BTG1: variants seen among roughly 807,000 people sequenced by gnomAD.
BTG1 encodes the protein protein BTG1.
A neutral mutation model predicts 15.2 loss-of-function variants in BTG1; 2 were observed. The observed-to-expected ratio is 0.13, with a 90% CI of 0.05 to 0.41. The LOEUF is 0.41. Among genes scored for constraint, BTG1 ranks in the 10% least tolerant of loss-of-function variants. The pLI is 0.99. For missense variants in BTG1, 149 were observed against 215.0 expected (o/e 0.69, Z 1.92); for synonymous variants, 109 against 82.4 (o/e 1.32, Z -1.75).
chr12:92,145,270 G>C, intron 1 of BTG1, 118 bp downstream of exon 1: 1 of 1,306,140 alleles, frequency 7.7e-7, no homozygotes, highest in South Asian at 2.0e-5. Context: ...CCGGTCCCGC[G>C]GCGGGGCCCA....
rs146312717 is a variant in BTG1, at chr12:92,145,821, A to G, written c.-286T>C. The G allele has an allele frequency of 3.6e-3, 886 of 246,986 alleles. 8 individuals are homozygous for G. Among genetic ancestry groups the G allele is most frequent in the Admixed American group, 3.8e-3 (69 of 17,944 alleles). The allele number at this position is 246,986 out of a possible 1,614,324, so 15.3% of individuals were successfully genotyped here. A position where few individuals can be genotyped will look rare whatever the true frequency, so the allele number is the denominator to read the frequency against. ...CTCCGCAGCATTCGAAGATCTCAATAGCTGCATTTCCAGCTCCGAGAGGCG... is the reference window on the plus strand; with the variant it reads ...CTCCGCAGCATTCGAAGATCTCAATGGCTGCATTTCCAGCTCCGAGAGGCG... On this transcript the variant is annotated 5_prime_UTR_variant, in exon 1 of 2. Transcript: ENST00000256015.
Position 92,145,665 on chromosome 12 carries a change from A to C in BTG1, c.-130T>G. ...GAAGAGAGGGCGTGAGGGGCGGACG[A>C]CTACTTTTGTCTTTCTTTCTTTAGA... On this transcript the variant is annotated 5_prime_UTR_variant, in exon 1 of 2. Coordinates refer to ENST00000256015, the MANE Select transcript of BTG1 (RefSeq NM_001731.3). The C allele has an allele frequency of 1.8e-6, 1 of 546,510 alleles. No individual in the cohort carries two copies. Among genetic ancestry groups the C allele is most frequent in the Non-Finnish European group, 2.8e-6 (1 of 357,294 alleles). 33.9% of individuals were successfully genotyped at this position (546,510 alleles called of 1,614,324 possible). A position where few individuals can be genotyped will look rare whatever the true frequency, so the allele number is the denominator to read the frequency against.
rs2136947237 is a variant in BTG1, at chr12:92,143,298, G to C, written c.*782C>G. 1 of 232,806 alleles carries C rather than the reference G, an allele frequency of 4.3e-6. No individual in the cohort carries two copies. Among genetic ancestry groups the C allele is most frequent in the East Asian group, 6.1e-5 (1 of 16,388 alleles). The allele number at this position is 232,806 out of a possible 1,614,324, so 14.4% of individuals were successfully genotyped here. ...TAACAAAGTTCACAAAATAGATGGT[G>C]GTTTGTGGAAAAGACTTTTACCCAA... On this transcript the variant is annotated 3_prime_UTR_variant, in exon 2 of 2. Coordinates refer to ENST00000256015, the MANE Select transcript of BTG1 (RefSeq NM_001731.3).
At position 92,142,992 on chromosome 12, in the gene BTG1, TAC is replaced by T. The variant is rs1411346641; in HGVS notation, c.*1086_*1087del. ...TTCCTGTAAAACCTAAACATGTATA[TAC>T]AGAGCATCTTCATTCCTCATCAAAT... On this transcript the variant is annotated 3_prime_UTR_variant, in exon 2 of 2. Transcript: ENST00000256015. 8.6e-6 allele frequency: 2 copies of T among 232,894 alleles called. No homozygotes were observed. The highest frequency in any genetic ancestry group is 1.7e-5 in the Non-Finnish European group (2 of 117,934). The allele number at this position is 232,894 out of a possible 1,614,324, so 14.4% of individuals were successfully genotyped here.
In BTG1 at chr12:92,140,984, C is replaced by A. The variant is rs1870178031; in HGVS notation, c.*3096G>T. 7 of 232,658 alleles carry A rather than the reference C, an allele frequency of 3.0e-5. No individual in the cohort carries two copies. Among genetic ancestry groups the A allele is most frequent in the Admixed American group, 2.8e-4 (5 of 17,772 alleles). 14.4% of individuals were successfully genotyped at this position (232,658 alleles called of 1,614,324 possible). On this transcript the variant is annotated 3_prime_UTR_variant, in exon 2 of 2. Coordinates refer to ENST00000256015, the MANE Select transcript of BTG1 (RefSeq NM_001731.3). ...GTACAACTTCAGTTATCATACCTCT[C>A]TTCTGTAAAGAGGAAGAAGAGAGAG...
rs533954463 is a variant in BTG1, at chr12:92,143,992, T to G, written c.*88A>C. Reference sequence around the variant, plus strand: ...CTTCACAGCTGTGACATGGTTTAAATTCCATAATCCATCCCCAAGAGGAGC... The same window carrying G: ...CTTCACAGCTGTGACATGGTTTAAAGTCCATAATCCATCCCCAAGAGGAGC... On this transcript the variant is annotated 3_prime_UTR_variant, in exon 2 of 2. Transcript: ENST00000256015. 1.3e-6 allele frequency: 2 copies of G among 1,502,494 alleles called. No homozygotes were observed. Among genetic ancestry groups the G allele is most frequent in the East Asian group, 4.5e-5 (2 of 44,306 alleles). 93.1% of individuals were successfully genotyped at this position (1,502,494 alleles called of 1,614,324 possible).
Position 92,140,386 on chromosome 12 carries a change from A to C in BTG1, c.*3694T>G, listed in dbSNP as rs1226351072. 1 of 221,008 alleles carries C rather than the reference A, an allele frequency of 4.5e-6. No individual in the cohort carries two copies. Among genetic ancestry groups the C allele is most frequent in the Admixed American group, 5.8e-5 (1 of 17,384 alleles). 13.7% of individuals were successfully genotyped at this position (221,008 alleles called of 1,614,324 possible). A position where few individuals can be genotyped will look rare whatever the true frequency, so the allele number is the denominator to read the frequency against. On this transcript the variant is annotated 3_prime_UTR_variant, in exon 2 of 2. Transcript: ENST00000256015. ...AAAACTGGTGTCAATCATACTCCAC[A>C]AAGTGTTGAGGAAATGGTATCAATC... is the stretch of plus-strand genomic sequence containing the variant.
rs533881128 is a variant in BTG1 at position 92,141,060 on chromosome 12, T to C, written c.*3020A>G. 2.5e-4 allele frequency: 58 copies of C among 232,878 alleles called. No individual in the cohort carries two copies. The highest frequency in any genetic ancestry group is 5.1e-4 in the Admixed American group (9 of 17,790). 14.4% of individuals were successfully genotyped at this position (232,878 alleles called of 1,614,324 possible). On this transcript the variant is annotated 3_prime_UTR_variant, in exon 2 of 2. Transcript: ENST00000256015. ...GGGAGAAGTCCAATAGTAGATTTAT[T>C]TGCTCCCAAGATTAAAGGGAGCCTG...
At position 92,144,236 on chromosome 12, in the gene BTG1, G is replaced by A. The variant is rs1465617311; in HGVS notation, c.360C>T (p.Ser120=). 3 of 1,614,174 alleles carry A rather than the reference G, an allele frequency of 1.9e-6. No individual in the cohort carries two copies. Among genetic ancestry groups the A allele is most frequent in the Non-Finnish European group, 8.5e-7 (1 of 1,180,040 alleles). ...GTGAGGCTTCATACAGCACACAGATGGAGCCATCCTCTCCAATTCTGTAGG... is the reference window on the plus strand; with the variant it reads ...GTGAGGCTTCATACAGCACACAGATAGAGCCATCCTCTCCAATTCTGTAGG... ...EVSYRIGEDG[S]ICVLYEASPA... is the part of the protein sequence containing the mutation. The change falls in exon 2 of 2, where the codon TCC becomes TCT. Residue 120 remains serine (S), a synonymous_variant. Transcript: ENST00000256015.
In BTG1 at chr12:92,141,717, TCA is replaced by T; in HGVS notation, c.*2361_*2362del. The stretch of plus-strand genomic sequence containing the variant: ...TTAAAGTCACAGGAAACAGCTGGTC[TCA>T]GAGTGATGTGTGCAAGCCTTTTTCA... On this transcript the variant is annotated 3_prime_UTR_variant, in exon 2 of 2. Transcript: ENST00000256015. 4.3e-6 allele frequency: 1 copy of T among 232,710 alleles called. No individual in the cohort carries two copies. Among genetic ancestry groups the T allele is most frequent in the Non-Finnish European group, 8.5e-6 (1 of 117,658 alleles). 14.4% of individuals were successfully genotyped at this position (232,710 alleles called of 1,614,324 possible). A position where few individuals can be genotyped will look rare whatever the true frequency, so the allele number is the denominator to read the frequency against.
rs1592657049 is a variant in BTG1 at position 92,143,878 on chromosome 12, T to C, written c.*202A>G. Reference sequence around the variant, plus strand: ...ATCATTTACTTGGACTCACAGGCTATTAAAATTAATCATTGAAAGGTACTG... The same window carrying C: ...ATCATTTACTTGGACTCACAGGCTACTAAAATTAATCATTGAAAGGTACTG... On this transcript the variant is annotated 3_prime_UTR_variant, in exon 2 of 2. Transcript: ENST00000256015. The C allele has an allele frequency of 1.8e-6, 1 of 570,252 alleles. No individual in the cohort carries two copies. The highest frequency in any genetic ancestry group is 3.3e-5 in the East Asian group (1 of 30,694). 35.3% of individuals were successfully genotyped at this position (570,252 alleles called of 1,614,324 possible).
At position 92,141,815 on chromosome 12, in the gene BTG1, C is replaced by T; in HGVS notation, c.*2265G>A. On this transcript the variant is annotated 3_prime_UTR_variant, in exon 2 of 2. Coordinates refer to ENST00000256015, the MANE Select transcript of BTG1 (RefSeq NM_001731.3). ...ATTCTAAAATAAACATTTTTATTAA[C>T]TGTTTCCATCATTTTCAAAGATTGA... The T allele has an allele frequency of 4.3e-6, 1 of 232,234 alleles. No homozygotes were observed. Among genetic ancestry groups the T allele is most frequent in the Non-Finnish European group, 8.5e-6 (1 of 117,476 alleles). 14.4% of individuals were successfully genotyped at this position (232,234 alleles called of 1,614,324 possible). A position where few individuals can be genotyped will look rare whatever the true frequency, so the allele number is the denominator to read the frequency against.
rs922473545 is a variant in BTG1, at chr12:92,142,633, T to C, written c.*1447A>G. On this transcript the variant is annotated 3_prime_UTR_variant, in exon 2 of 2. Transcript: ENST00000256015. ...TTTTGTTGAATTCCAGCTTATGTGA[T>C]TTTTATGTACATCTTGCAGGTGATG... 4.3e-6 allele frequency: 1 copy of C among 233,072 alleles called. No individual in the cohort carries two copies. Among genetic ancestry groups the C allele is most frequent in the Non-Finnish European group, 8.5e-6 (1 of 117,940 alleles). The allele number at this position is 233,072 out of a possible 1,614,324, so 14.4% of individuals were successfully genotyped here. A position where few individuals can be genotyped will look rare whatever the true frequency, so the allele number is the denominator to read the frequency against.
intron 1 of BTG1, among the ~76,000 whole-genome samples, chr12:92,144,808 G>A (rs907250337): frequency 3.3e-5 from 5 of 152,182 alleles, no homozygotes; most frequent in Non-Finnish European, 7.4e-5. Flanking sequence ...TGGCTTTGGA[G>A]ATGAGAAGCG....
rs1161190926 is a variant in BTG1, at chr12:92,140,661, G to T, written c.*3419C>A. On this transcript the variant is annotated 3_prime_UTR_variant, in exon 2 of 2. Transcript: ENST00000256015. ...TTACTGTAAAAGATTTTGTGATACT[G>T]TTATATTAGTTCCAAATATGAAAAT... 2.2e-5 allele frequency: 5 copies of T among 231,922 alleles called. No individual in the cohort carries two copies. Among genetic ancestry groups the T allele is most frequent in the Admixed American group, 5.6e-5 (1 of 17,754 alleles). 14.4% of individuals were successfully genotyped at this position (231,922 alleles called of 1,614,324 possible). A position where few individuals can be genotyped will look rare whatever the true frequency, so the allele number is the denominator to read the frequency against.
rs1198612365 is a variant in BTG1 at position 92,142,346 on chromosome 12, T to C, written c.*1734A>G. 1 of 230,854 alleles carries C rather than the reference T, an allele frequency of 4.3e-6. No homozygotes were observed. Among genetic ancestry groups the C allele is most frequent in the African/African-American group, 2.2e-5 (1 of 45,206 alleles). The allele number at this position is 230,854 out of a possible 1,614,324, so 14.3% of individuals were successfully genotyped here. A position where few individuals can be genotyped will look rare whatever the true frequency, so the allele number is the denominator to read the frequency against. The stretch of plus-strand genomic sequence containing the variant: ...TTTCCAGTGTCAACATGTTTACATA[T>C]ATACCAAAAAAAGGCCACTATATGT... On this transcript the variant is annotated 3_prime_UTR_variant, in exon 2 of 2. Transcript: ENST00000256015.
At position 92,142,450 on chromosome 12, in the gene BTG1, C is replaced by T. The variant is rs566389765; in HGVS notation, c.*1630G>A. The T allele has an allele frequency of 8.6e-6, 2 of 232,046 alleles. No homozygotes were observed. Among genetic ancestry groups the T allele is most frequent in the South Asian group, 3.6e-4 (2 of 5,518 alleles). The allele number at this position is 232,046 out of a possible 1,614,324, so 14.4% of individuals were successfully genotyped here. A position where few individuals can be genotyped will look rare whatever the true frequency, so the allele number is the denominator to read the frequency against. On this transcript the variant is annotated 3_prime_UTR_variant, in exon 2 of 2. Transcript: ENST00000256015. ...GCTGTTATCCTCTACAACTAAACAGCAAGTCCTTCTATTATATGGGGTAGT... is the reference window on the plus strand; with the variant it reads ...GCTGTTATCCTCTACAACTAAACAGTAAGTCCTTCTATTATATGGGGTAGT...
intron 1 of BTG1, chr12:92,145,014 C>T (rs1467318574): frequency 1.1e-5 from 2 of 185,654 alleles, no homozygotes; most frequent in Non-Finnish European, 2.2e-5. Context: ...GGCCGCCGAC[C>T]ACGCAACGGT....
At position 92,141,390 on chromosome 12, in the gene BTG1, C is replaced by T. The variant is rs1360282342; in HGVS notation, c.*2690G>A. 4.3e-6 allele frequency: 1 copy of T among 232,014 alleles called. No homozygotes were observed. Among genetic ancestry groups the T allele is most frequent in the Admixed American group, 5.6e-5 (1 of 17,754 alleles). The allele number at this position is 232,014 out of a possible 1,614,324, so 14.4% of individuals were successfully genotyped here. A position where few individuals can be genotyped will look rare whatever the true frequency, so the allele number is the denominator to read the frequency against. ...CCAGGGTAACTCTTGCTATACAATCCACTTGAAGCCTTGTTTCAACATTAC... is the reference window on the plus strand; with the variant it reads ...CCAGGGTAACTCTTGCTATACAATCTACTTGAAGCCTTGTTTCAACATTAC... On this transcript the variant is annotated 3_prime_UTR_variant, in exon 2 of 2. Transcript: ENST00000256015.
Sources: allele counts gnomAD v4.1 joint callset (sites outside exome capture counted in the v4.1 genomes callset), GRCh38; gene constraint gnomAD v4.1.1; transcripts MANE v1.5; gene names NCBI Gene and HGNC (gene_info 2026-07-23, HGNC 2026-07-21).